RGS3: variants seen among roughly 807,000 people sequenced by gnomAD.
The protein encoded by RGS3 is regulator of G-protein signalling 3.
RGS3 carries 80 observed loss-of-function variants against 132.6 expected under a neutral mutation model. The ratio of observed to expected loss-of-function variants is 0.60; its 90% CI spans 0.50 to 0.73. The LOEUF (loss-of-function observed/expected upper bound fraction) is 0.73. Ranked by LOEUF, RGS3 falls within the 30% of genes least tolerant of loss-of-function variation. RGS3 has a pLI of 0.00. For missense variants in RGS3, 1,382 were observed against 1,530.8 expected (o/e 0.90, Z 1.62); for synonymous variants, 598 against 620.6 (o/e 0.96, Z 0.54).
intron 19 of RGS3, among the ~76,000 whole-genome samples, chr9:113,549,636 C>T (rs529787612): frequency 2.0e-4 from 31 of 152,266 alleles, no homozygotes; most frequent in African/African-American, 6.3e-4. Flanking sequence ...GTCAGGCATT[C>T]GTTTATACAC....
intron 14 of RGS3, 60 bp downstream of exon 12, chr9:113,508,640 G>A: frequency 1.9e-6 from 3 of 1,576,208 alleles, no homozygotes; most frequent in Middle Eastern, 1.7e-4. Context: ...GGTCAGCTGA[G>A]GCCTGGCCCA....
At chr9:113,459,594 AC>A (rs1829426731), upstream of RGS3, among the ~76,000 whole-genome samples, 1 of 152,176 alleles carries the variant, frequency 6.6e-6, no homozygotes, top group Non-Finnish European at 1.5e-5. Flanking sequence ...TACTAAAAAT[AC>A]AAAAATTAGC....
exon 20 of RGS3, chr9:113,583,658 C>T (rs1428739153): frequency 6.2e-7 from 1 of 1,614,138 alleles, no homozygotes; most frequent in South Asian, 1.1e-5. Flanking sequence ...TCAGCTACCT[C>T]TGAAGGATCC....
Position 113,591,295 on chromosome 9 carries a change from G to A in RGS3, c.3016-38G>A. 1 of 1,595,582 alleles carries A rather than the reference G, an allele frequency of 6.3e-7. No individual in the cohort carries two copies. On this transcript the variant is annotated intron_variant, in intron 20 of 24. Coordinates refer to ENST00000350696, the Ensembl canonical transcript of RGS3. The surrounding 1 kb of genome is among the most constrained non-coding windows in gnomAD (Gnocchi z 4.4). ...CTGTTTACTTAGGCAGGAGTTCCTG[G>A]GTGCCCAGACTGCATCGTGTCTGTC...
chr9:113,541,305 T>G, intron 19 of RGS3: 1 of 1,611,612 alleles, frequency 6.2e-7, no homozygotes, highest in South Asian at 1.1e-5. Context: ...ATTCCAGTTC[T>G]GTCTGGTTCC....
chr9:113,448,559 T>C (rs1829168866), intron 1 of RGS3, among the ~76,000 whole-genome samples: 1 of 152,174 alleles, frequency 6.6e-6, no homozygotes, highest in Non-Finnish European at 1.5e-5. Context: ...CAAGATGAAG[T>C]TCTCCTCTTT....
chr9:113,579,159 G>A lies in RGS3; in HGVS notation c.2038-4291G>A, dbSNP rs1834672125. ...TGGCTGTGATGAATCATCGGAGTGA[G>A]AGCTGCAGGTTGTCCCTGGGTCAGC... On this transcript the variant is annotated intron_variant, in intron 19 of 24. Transcript: ENST00000350696. The surrounding 1 kb of genome is among the most constrained non-coding windows in gnomAD (Gnocchi z 4.3). Among the ~76,000 whole-genome samples the A allele has an allele frequency of 6.6e-6, 1 of 152,172 alleles. No homozygotes were observed. The highest frequency in any genetic ancestry group is 1.5e-5 in the Non-Finnish European group (1 of 68,020).
At chr9:113,489,705 T>A (rs1016558958) in intron 7 of RGS3, among the ~76,000 whole-genome samples, 8 of 151,908 alleles carry the variant, frequency 5.3e-5, no homozygotes, top group Non-Finnish European at 1.0e-4. Flanking sequence ...TTTTTTTTTT[T>A]TTTTTGTAGA....
intron 18 of RGS3, among the ~76,000 whole-genome samples, chr9:113,535,219 G>T (rs1832629813): frequency 6.6e-6 from 1 of 152,062 alleles, no homozygotes; most frequent in South Asian, 2.1e-4. Flanking sequence ...TGTCACCCAG[G>T]CTGGGGTACA....
chr9:113,595,999 T>TA (rs1835756938), intron 24 of RGS3, among the ~76,000 whole-genome samples: 1 of 152,200 alleles, frequency 6.6e-6, no homozygotes, highest in Non-Finnish European at 1.5e-5. Flanking sequence ...CTGAGCCCTT[T>TA]ATGTATGCGT....
chr9:113,540,679 C>T lies in RGS3; in HGVS notation c.2037+3761C>T, dbSNP rs145376109. Among the ~76,000 whole-genome samples, 607 of 152,358 alleles carry T rather than the reference C, an allele frequency of 4.0e-3. 4 individuals are homozygous for T. Among genetic ancestry groups the T allele is most frequent in the Non-Finnish European group, 6.6e-3 (449 of 68,030 alleles). On this transcript the variant is annotated intron_variant, in intron 19 of 24. Transcript: ENST00000350696. ...GTGGGGCCTGGCCCCATTCTCAGGG[C>T]AGGTCCTGTGCTCCACGGGGAGGGA... is the stretch of plus-strand genomic sequence containing the variant.
chr9:113,536,257 C>T (rs921351044), intron 18 of RGS3, among the ~76,000 whole-genome samples: 1 of 152,206 alleles, frequency 6.6e-6, no homozygotes, highest in African/African-American at 2.4e-5. Context: ...TGACTCTGCC[C>T]GTCAAAGACT....
At chr9:113,501,395 T>C in intron 10 of RGS3, 1 of 1,415,208 alleles carries the variant, frequency 7.1e-7, no homozygotes, top group Non-Finnish European at 9.3e-7. Flanking sequence ...CCTTCGGGCT[T>C]ATCGTGCAGA....
chr9:113,533,224 G>A lies in RGS3; in HGVS notation c.1915-3572G>A, dbSNP rs536389200. 9.7e-3 allele frequency among the ~76,000 whole-genome samples: 1,450 copies of A among 149,942 alleles called. 15 individuals carry two copies. Among genetic ancestry groups the A allele is most frequent in the Non-Finnish European group, 0.017 (1,142 of 67,582 alleles). On this transcript the variant is annotated intron_variant, in intron 18 of 24. Transcript: ENST00000350696. ...AAGATCAGCATGAGATCGTGGGTGGGAAAATTCTGTTTTTTTTTTTTTTTG... is the reference window on the plus strand; with the variant it reads ...AAGATCAGCATGAGATCGTGGGTGGAAAAATTCTGTTTTTTTTTTTTTTTG...
intron 19 of RGS3, among the ~76,000 whole-genome samples, chr9:113,554,890 T>C (rs1259716237): frequency 6.6e-6 from 1 of 152,228 alleles, no homozygotes; most frequent in Non-Finnish European, 1.5e-5. Context: ...TTCCTACCCC[T>C]AGATTATGAG....
chr9:113,592,710 A>T (rs1050975924), intron 21 of RGS3: 1 of 151,438 alleles, frequency 6.6e-6, no homozygotes, highest in Non-Finnish European at 1.5e-5. Context: ...CTGTTCTCAA[A>T]CTCCTGGCCT....
intron 3 of RGS3, among the ~76,000 whole-genome samples, chr9:113,475,565 C>A (rs2119199090): frequency 6.6e-6 from 1 of 152,054 alleles, no homozygotes; most frequent in Admixed American, 6.5e-5. Flanking sequence ...ACCACGGTGC[C>A]CGGCTATTTT....
intron 20 of RGS3, among the ~76,000 whole-genome samples, chr9:113,587,758 G>A (rs1484480701): frequency 1.3e-5 from 2 of 152,186 alleles, no homozygotes; most frequent in Admixed American, 1.3e-4. Context: ...TAGTCTGCTC[G>A]ACCATGGTGA....
intron 1 of RGS3, among the ~76,000 whole-genome samples, chr9:113,448,464 C>G (rs997575999): frequency 1.3e-5 from 2 of 152,064 alleles, no homozygotes; most frequent in African/African-American, 4.8e-5. Context: ...TCTTCTTCCC[C>G]CTTCTGCCTG....
Sources: gnomAD v4.1 joint callset for allele counts (sites outside exome capture counted in the v4.1 genomes callset) on GRCh38, gnomAD v4.1.1 for gene constraint, Gnocchi (gnomAD v3.1) non-coding constraint, MANE v1.5 for transcripts, NCBI Gene and HGNC (gene_info 2026-07-23, HGNC 2026-07-21) for gene names.